RNF180: variants seen among roughly 807,000 people sequenced by gnomAD.
The protein encoded by RNF180 is E3 ubiquitin-protein ligase RNF180.
RNF180 carries 38 observed loss-of-function variants against 59.2 expected under a neutral mutation model. The ratio of observed to expected loss-of-function variants is 0.64; its 90% CI spans 0.50 to 0.84. The LOEUF (loss-of-function observed/expected upper bound fraction) is 0.84, where lower values mean the gene tolerates loss of function less well. Ranked by LOEUF, RNF180 falls within the 40% of genes least tolerant of loss-of-function variation. The pLI is 0.00. For synonymous variants in RNF180, 262 were observed against 240.3 expected (o/e 1.09, Z -0.84); for missense variants, 705 against 700.9 (o/e 1.01, Z -0.07).
At chr5:64,255,814 A>C (rs942871430) in intron 5 of RNF180, among the ~76,000 whole-genome samples, 6 of 152,200 alleles carry the variant, frequency 3.9e-5, no homozygotes, top group African/African-American at 1.4e-4. Flanking sequence ...ACATTCCCAC[A>C]AACAGTGTAA....
intron 7 of RNF180, among the ~76,000 whole-genome samples, chr5:64,365,911 T>G (rs1365360168): frequency 6.6e-6 from 1 of 151,650 alleles, no homozygotes; most frequent in Non-Finnish European, 1.5e-5. Flanking sequence ...CCATTGGATC[T>G]TGGTTCTTTA....
At chr5:64,190,277 C>A (rs1579962140) in intron 1 of RNF180, among the ~76,000 whole-genome samples, 1 of 152,150 alleles carries the variant, frequency 6.6e-6, no homozygotes, top group Non-Finnish European at 1.5e-5. Flanking sequence ...TCATCCCTTT[C>A]TTTGTTCTGA....
chr5:64,256,175 C>G (rs1042161878), intron 5 of RNF180, among the ~76,000 whole-genome samples: 1 of 152,068 alleles, frequency 6.6e-6, no homozygotes, highest in African/African-American at 2.4e-5. Context: ...ATGGTAGTTT[C>G]TTTTGCTGTG....
At chr5:64,200,717 G>A (rs11949052) in intron 1 of RNF180, 91 bp from the exon 2 acceptor site, 105,319 of 1,088,848 alleles carry the variant, frequency 0.097, 5,858 homozygotes, top group Non-Finnish European at 0.12. Context: ...CTGCTTTACT[G>A]TCCACTTGTA....
intron 5 of RNF180, among the ~76,000 whole-genome samples, chr5:64,266,925 T>C (rs1223550459): frequency 1.3e-5 from 2 of 152,176 alleles, no homozygotes; most frequent in Non-Finnish European, 2.9e-5. Flanking sequence ...CTGTTCTGAA[T>C]GTATGTGGCA....
At chr5:64,228,814 A>G (rs1375882094) in intron 5 of RNF180, among the ~76,000 whole-genome samples, 1 of 151,506 alleles carries the variant, frequency 6.6e-6, no homozygotes, top group Non-Finnish European at 1.5e-5. Flanking sequence ...ATAGCCAAGT[A>G]TTATTTTACC....
At chr5:64,301,611 A>ATG (rs1403933282) in intron 5 of RNF180, among the ~76,000 whole-genome samples, 42 of 151,792 alleles carry the variant, frequency 2.8e-4, no homozygotes, top group African/African-American at 9.9e-4. Context: ...AGCAGTGAGT[A>ATG]TGATGGCTTT....
At chr5:64,168,246 A>G (rs1749753057) in intron 1 of RNF180, among the ~76,000 whole-genome samples, 1 of 152,206 alleles carries the variant, frequency 6.6e-6, no homozygotes, top group African/African-American at 2.4e-5. Flanking sequence ...ATTTGGCAGA[A>G]TGATTTCTAC....
intron 7 of RNF180, among the ~76,000 whole-genome samples, chr5:64,355,609 A>G (rs933369367): frequency 2.5e-4 from 38 of 152,102 alleles, no homozygotes; most frequent in African/African-American, 8.4e-4. Flanking sequence ...ACCAAAAAAA[A>G]TCCTGAAAAG....
intron 5 of RNF180, among the ~76,000 whole-genome samples, chr5:64,317,288 T>C (rs1040808846): frequency 1.3e-5 from 2 of 152,160 alleles, no homozygotes; most frequent in African/African-American, 4.8e-5. Flanking sequence ...TAAAAAGTTA[T>C]GTTTATACTG....
At chr5:64,201,622 C>T (rs1025117200) in intron 2 of RNF180, among the ~76,000 whole-genome samples, 3 of 152,132 alleles carry the variant, frequency 2.0e-5, no homozygotes, top group Non-Finnish European at 4.4e-5. Context: ...TTTTGGTTTT[C>T]GTTTGTTTCG....
At chr5:64,189,447 A>T (rs1378333163) in intron 1 of RNF180, among the ~76,000 whole-genome samples, 2 of 152,162 alleles carry the variant, frequency 1.3e-5, no homozygotes, top group Non-Finnish European at 2.9e-5. Context: ...AAATTGGAAG[A>T]AGGTAGTCCT....
At chr5:64,249,047 T>C (rs762898701) in intron 5 of RNF180, among the ~76,000 whole-genome samples, 1 of 152,064 alleles carries the variant, frequency 6.6e-6, no homozygotes, top group Admixed American at 6.6e-5. Context: ...AAGTGGGAGT[T>C]GAACAATGAG....
chr5:64,339,094 T>G (rs1745252832), intron 7 of RNF180, among the ~76,000 whole-genome samples: 1 of 152,122 alleles, frequency 6.6e-6, no homozygotes, highest in African/African-American at 2.4e-5. Flanking sequence ...GTCTTGTATA[T>G]CTAGTTATGC....
At chr5:64,362,413 T>C (rs1230140359) in intron 7 of RNF180, among the ~76,000 whole-genome samples, 1 of 151,944 alleles carries the variant, frequency 6.6e-6, no homozygotes, top group Non-Finnish European at 1.5e-5. Context: ...GCAAAGGCCA[T>C]GATCTCATTC....
intron 5 of RNF180, among the ~76,000 whole-genome samples, chr5:64,275,323 A>T (rs1222512189): frequency 2.1e-5 from 3 of 140,918 alleles, no homozygotes; most frequent in South Asian, 2.3e-4. Flanking sequence ...GAATTCTCTA[A>T]ATCTTATTCT....
intron 5 of RNF180, among the ~76,000 whole-genome samples, chr5:64,267,387 A>C (rs1199880740): frequency 6.6e-6 from 1 of 152,056 alleles, no homozygotes; most frequent in East Asian, 1.9e-4. Flanking sequence ...GTTTTAGGGT[A>C]CATGTGCACA....
intron 5 of RNF180, among the ~76,000 whole-genome samples, chr5:64,304,581 G>A (rs1743334897): frequency 1.3e-5 from 2 of 151,622 alleles, no homozygotes; most frequent in South Asian, 4.1e-4. Context: ...AATTAGAAGA[G>A]GAGCCTGAAG....
chr5:64,299,854 TAAATG>T (rs1191003753), intron 5 of RNF180, among the ~76,000 whole-genome samples: 2 of 151,924 alleles, frequency 1.3e-5, no homozygotes, highest in African/African-American at 4.8e-5. Flanking sequence ...ATTTCATAAA[TAAATG>T]GTTCATAAGT....
Sources: gnomAD v4.1 joint callset for allele counts (sites outside exome capture counted in the v4.1 genomes callset) on GRCh38, gnomAD v4.1.1 for gene constraint, MANE v1.5 for transcripts, NCBI Gene and HGNC (gene_info 2026-07-23, HGNC 2026-07-21) for gene names.